The following SPOCK1 variants were observed in gnomAD, a reference collection of about 807,000 sequenced individuals.
SPOCK1 encodes the protein testican-1.
In SPOCK1, 23 loss-of-function variants were observed where a neutral mutation model predicts 55.3. The observed-to-expected ratio is 0.42, with a 90% CI of 0.30 to 0.59. The LOEUF is 0.59. Ranked by LOEUF, SPOCK1 falls within the 20% of genes least tolerant of loss-of-function variation. SPOCK1 has a pLI of 0.22. For missense variants in SPOCK1, 499 were observed against 552.5 expected (o/e 0.90, Z 0.97); for synonymous variants, 226 against 221.0 (o/e 1.02, Z -0.20).
chr5:137,457,993 G>A (rs1320429519), intron 2 of SPOCK1, among the ~76,000 whole-genome samples: 1 of 152,154 alleles, frequency 6.6e-6, no homozygotes, highest in African/African-American at 2.4e-5. Context: ...AATACAAGCA[G>A]GGACTTAAAG....
At chr5:137,329,461 A>C (rs1460984152) in intron 2 of SPOCK1, among the ~76,000 whole-genome samples, 1 of 152,092 alleles carries the variant, frequency 6.6e-6, no homozygotes, top group Admixed American at 6.6e-5. Flanking sequence ...CCTAATACAG[A>C]TGCCTTGCAT....
At chr5:137,421,112 T>G (rs188518061) in intron 2 of SPOCK1, among the ~76,000 whole-genome samples, 3,710 of 152,312 alleles carry the variant, frequency 0.024, 72 homozygotes, top group Non-Finnish European at 0.034. Flanking sequence ...CGGTTTTGAG[T>G]GAGTTTCCTA....
At chr5:137,177,106 A>G (rs1378380315) in intron 3 of SPOCK1, among the ~76,000 whole-genome samples, 4 of 152,220 alleles carry the variant, frequency 2.6e-5, no homozygotes, top group African/African-American at 9.6e-5. Context: ...AGAAAATGGG[A>G]TACAGTATGC....
In SPOCK1 at chr5:137,285,835, G is replaced by A. The variant is rs375203805; in HGVS notation, c.187-18780C>T. The stretch of plus-strand genomic sequence containing the variant: ...ATACCACATGTAGAGCCACTACTCT[G>A]TGCCAGGCAGGGCTCACCCTCCAAA... On this transcript the variant is annotated intron_variant, in intron 2 of 10. Transcript: ENST00000394945. 2.6e-5 allele frequency among the ~76,000 whole-genome samples: 4 copies of A among 152,086 alleles called. No individual in the cohort carries two copies. The East Asian group carries it at 7.7e-4, about 29-fold the overall frequency.
chr5:137,194,979 ACT>A (rs1580801527), intron 3 of SPOCK1, among the ~76,000 whole-genome samples: 1 of 152,030 alleles, frequency 6.6e-6, no homozygotes. Context: ...GAGAGCAGCC[ACT>A]CTCTCTCTTC....
intron 3 of SPOCK1, among the ~76,000 whole-genome samples, chr5:137,211,160 G>A (rs907183904): frequency 9.2e-5 from 14 of 152,180 alleles, no homozygotes; most frequent in Non-Finnish European, 1.9e-4. Flanking sequence ...AGAGGTCCAG[G>A]GAGGTAAAGA....
intron 3 of SPOCK1, among the ~76,000 whole-genome samples, chr5:137,170,397 A>G (rs1393018548): frequency 1.3e-5 from 2 of 152,202 alleles, no homozygotes; most frequent in African/African-American, 4.8e-5. Context: ...AACCAAATGA[A>G]GCAGGTACTG....
At chr5:137,026,642 G>C (rs184302129) in intron 6 of SPOCK1, among the ~76,000 whole-genome samples, 109 of 152,030 alleles carry the variant, frequency 7.2e-4, no homozygotes, top group African/African-American at 2.6e-3. Context: ...CCCTCTATTG[G>C]TTCTGTTTCT....
intron 2 of SPOCK1, among the ~76,000 whole-genome samples, chr5:137,377,087 G>A (rs1250194497): frequency 6.6e-5 from 10 of 152,180 alleles, no homozygotes; most frequent in African/African-American, 2.4e-4. Context: ...GGGAGGAACC[G>A]ACGGGCAGTG....
At chr5:137,303,832 A>G (rs999451176) in intron 2 of SPOCK1, among the ~76,000 whole-genome samples, 15 of 152,210 alleles carry the variant, frequency 9.9e-5, no homozygotes, top group Non-Finnish European at 1.9e-4. Flanking sequence ...TGGGACCCTG[A>G]GCAGGAATTC....
intron 3 of SPOCK1, among the ~76,000 whole-genome samples, chr5:137,235,351 C>T (rs1756158030): frequency 6.6e-6 from 1 of 152,198 alleles, no homozygotes; most frequent in Non-Finnish European, 1.5e-5. Flanking sequence ...TCAGGAAAAA[C>T]AATGTGGCCG....
At chr5:137,327,692 G>A (rs1242942030) in intron 2 of SPOCK1, among the ~76,000 whole-genome samples, 1 of 152,150 alleles carries the variant, frequency 6.6e-6, no homozygotes, top group Non-Finnish European at 1.5e-5. Flanking sequence ...CAAATAACCA[G>A]GCTGTGCCTC....
intron 3 of SPOCK1, among the ~76,000 whole-genome samples, chr5:137,219,762 G>A (rs1755809787): frequency 6.6e-6 from 1 of 152,212 alleles, no homozygotes; most frequent in Non-Finnish European, 1.5e-5. Flanking sequence ...TTAGGAAGCT[G>A]AGGTCTTGGC....
chr5:137,369,508 A>C (rs905558809), intron 2 of SPOCK1, among the ~76,000 whole-genome samples: 1 of 152,194 alleles, frequency 6.6e-6, no homozygotes, highest in African/African-American at 2.4e-5. Context: ...CAGGGAGACA[A>C]GCTGTTATCC....
chr5:137,393,753 A>T (rs1751779369), intron 2 of SPOCK1, among the ~76,000 whole-genome samples: 1 of 152,244 alleles, frequency 6.6e-6, no homozygotes, highest in South Asian at 2.1e-4. Flanking sequence ...CTTAAGAAAC[A>T]GTATCTGCTT....
intron 3 of SPOCK1, among the ~76,000 whole-genome samples, chr5:137,164,225 CT>C (rs886890320): frequency 4.7e-5 from 7 of 150,198 alleles, no homozygotes; most frequent in East Asian, 3.9e-4. Flanking sequence ...TTAAGTTTGT[CT>C]TTTTTTTTTC....
At chr5:137,328,593 T>C (rs1758117948) in intron 2 of SPOCK1, among the ~76,000 whole-genome samples, 1 of 152,202 alleles carries the variant, frequency 6.6e-6, no homozygotes, top group Non-Finnish European at 1.5e-5. Flanking sequence ...AACACAGCTC[T>C]AACAGCAGCC....
chr5:137,491,013 A>G (rs1754164203), intron 2 of SPOCK1, among the ~76,000 whole-genome samples: 3 of 152,168 alleles, frequency 2.0e-5, no homozygotes, highest in Admixed American at 2.0e-4. Flanking sequence ...CTTAAATTAA[A>G]TGATTATAGA....
intron 3 of SPOCK1, among the ~76,000 whole-genome samples, chr5:137,198,887 A>G (rs1755355145): frequency 6.6e-6 from 1 of 152,226 alleles, no homozygotes; most frequent in Non-Finnish European, 1.5e-5. Flanking sequence ...GACTGAATAA[A>G]TGTATTTTGG....
Sources: allele counts gnomAD v4.1 joint callset (sites outside exome capture counted in the v4.1 genomes callset), GRCh38; gene constraint gnomAD v4.1.1; transcripts MANE v1.5; gene names NCBI Gene and HGNC (gene_info 2026-07-23, HGNC 2026-07-21).